Variants in CCDC7 observed in about 807,000 individuals in gnomAD.
CCDC7 encodes coiled-coil domain-containing protein 7.
In CCDC7, 183 loss-of-function variants were observed where a neutral mutation model predicts 196.9. The ratio of observed to expected loss-of-function variants is 0.93; its 90% confidence interval spans 0.82 to 1.05. The LOEUF (loss-of-function observed/expected upper bound fraction) is 1.05. Ranked by LOEUF, CCDC7 falls within the 50% of genes least tolerant of loss-of-function variation. The pLI, the probability that CCDC7 is intolerant of heterozygous loss-of-function variation, is 0.00. For missense variants in CCDC7, 1,540 were observed against 1,482.2 expected (o/e 1.04, Z -0.64); for synonymous variants, 525 against 484.6 (o/e 1.08, Z -1.10).
chr10:32,467,107 T>C (rs576728780), intron 5 of CCDC7, among the ~76,000 whole-genome samples: 36 of 106,300 alleles, frequency 3.4e-4, no homozygotes, highest in African/African-American at 9.3e-4. Flanking sequence ...CTTTGTCCAC[T>C]TTTTTTTTTT....
At chr10:32,602,261 C>T (rs1312179390) in intron 18 of CCDC7, among the ~76,000 whole-genome samples, 2 of 151,938 alleles carry the variant, frequency 1.3e-5, no homozygotes, top group East Asian at 3.9e-4. Flanking sequence ...AGACCACGAA[C>T]CCACCAGAAA....
intron 31 of CCDC7, among the ~76,000 whole-genome samples, chr10:32,817,234 T>A (rs2088895208): frequency 6.6e-6 from 1 of 152,048 alleles, no homozygotes; most frequent in Non-Finnish European, 1.5e-5. Flanking sequence ...AGAGGGGGTA[T>A]CAGTGATGGA....
At chr10:32,606,208 G>T (rs1239161237) in intron 18 of CCDC7, among the ~76,000 whole-genome samples, 1 of 152,222 alleles carries the variant, frequency 6.6e-6, no homozygotes, top group Non-Finnish European at 1.5e-5. Context: ...GCCTGTAGCT[G>T]AAAAAAGTAC....
intron 3 of CCDC7, among the ~76,000 whole-genome samples, chr10:32,462,384 C>T (rs1020832507): frequency 1.4e-4 from 22 of 152,058 alleles, no homozygotes; most frequent in Non-Finnish European, 1.6e-4. Context: ...ATGAGTGCAC[C>T]GCTGCACTCA....
intron 41 of CCDC7, among the ~76,000 whole-genome samples, chr10:32,855,154 A>C (rs1353165926): frequency 1.3e-5 from 2 of 151,780 alleles, no homozygotes; most frequent in Non-Finnish European, 2.9e-5. Flanking sequence ...CTAAGGATTC[A>C]GTGCAATCTC....
intron 9 of CCDC7, among the ~76,000 whole-genome samples, chr10:32,506,004 A>C (rs1379194408): frequency 2.1e-5 from 3 of 146,290 alleles, no homozygotes; most frequent in African/African-American, 7.7e-5. Flanking sequence ...GTGGCCAGGC[A>C]GAGGCGCTCC....
intron 11 of CCDC7, among the ~76,000 whole-genome samples, chr10:32,531,716 C>T (rs928956605): frequency 6.6e-6 from 1 of 152,132 alleles, no homozygotes; most frequent in Admixed American, 6.6e-5. Context: ...TCTATTACAC[C>T]TTGATCTTGT....
At chr10:32,592,724 A>AGT (rs1311496380) in intron 18 of CCDC7, among the ~76,000 whole-genome samples, 17 of 151,994 alleles carry the variant, frequency 1.1e-4, no homozygotes, top group African/African-American at 4.1e-4. Flanking sequence ...GACAAGCCCC[A>AGT]GTGTGTGATG....
chr10:32,725,762 T>C (rs2083029490), intron 25 of CCDC7, among the ~76,000 whole-genome samples: 1 of 152,002 alleles, frequency 6.6e-6, no homozygotes, highest in Admixed American at 6.6e-5. Flanking sequence ...AACAACCAGA[T>C]TTTATGTGAA....
intron 13 of CCDC7, among the ~76,000 whole-genome samples, chr10:32,549,464 G>T (rs1728089790): frequency 6.6e-6 from 1 of 152,104 alleles, no homozygotes; most frequent in Admixed American, 6.5e-5. Context: ...TTGCTTTTGG[G>T]TTCCTGGTCA....
intron 18 of CCDC7, among the ~76,000 whole-genome samples, chr10:32,633,696 A>ATATATATATGTGTGTGTG (rs779341941): frequency 1.2e-4 from 16 of 135,150 alleles, no homozygotes; most frequent in Non-Finnish European, 7.7e-5. Flanking sequence ...ATATATATAT[A>ATATATATATGTGTGTGTG]TGTGTGTGTG....
At chr10:32,708,127 T>G (rs914210435) in intron 24 of CCDC7, among the ~76,000 whole-genome samples, 39 of 152,158 alleles carry the variant, frequency 2.6e-4, no homozygotes, top group Admixed American at 4.6e-4. Context: ...AACAGAGATA[T>G]AGACCAATGG....
At chr10:32,845,790 CACACAT>C (rs767031115) in intron 35 of CCDC7, 80 bp from the exon 37 acceptor site, 25 of 1,063,354 alleles carry the variant, frequency 2.4e-5, no homozygotes, top group East Asian at 1.5e-4. Context: ...CACACACACA[CACACAT>C]ACACACACAC....
At chr10:32,452,036 AT>A in intron 1 of CCDC7, 115 bp downstream of exon 2, 1 of 1,368,742 alleles carries the variant, frequency 7.3e-7, no homozygotes. Flanking sequence ...GCTAAGATTT[AT>A]TACAGTAGGC....
chr10:32,858,847 C>G (rs2093862129), intron 41 of CCDC7, among the ~76,000 whole-genome samples: 1 of 152,020 alleles, frequency 6.6e-6, no homozygotes, highest in Non-Finnish European at 1.5e-5. Context: ...GTAAAAGGAT[C>G]AAAGCAACAA....
chr10:32,796,180 T>G (rs1021396017), intron 29 of CCDC7, among the ~76,000 whole-genome samples: 15 of 152,138 alleles, frequency 9.9e-5, no homozygotes, highest in African/African-American at 3.6e-4. Context: ...GTTGCTTCTC[T>G]GTGGTCCTAA....
intron 29 of CCDC7, among the ~76,000 whole-genome samples, chr10:32,796,852 A>T (rs1392710606): frequency 6.6e-6 from 1 of 152,196 alleles, no homozygotes; most frequent in East Asian, 1.9e-4. Context: ...TCCCAGGACA[A>T]ATTGGGAATT....
intron 31 of CCDC7, among the ~76,000 whole-genome samples, chr10:32,822,281 G>A (rs1352342785): frequency 6.6e-6 from 1 of 152,010 alleles, no homozygotes; most frequent in Non-Finnish European, 1.5e-5. Context: ...AAAGACAACT[G>A]TATAAAAAAT....
At chr10:32,518,068 A>G (rs2135520927) in intron 10 of CCDC7, 93 bp downstream of exon 11, 6 of 1,394,978 alleles carry the variant, frequency 4.3e-6, no homozygotes, top group African/African-American at 1.5e-5. Context: ...CTATATAAAG[A>G]TCCAATCCTT....
Sources: allele counts gnomAD v4.1 joint callset (sites outside exome capture counted in the v4.1 genomes callset), GRCh38; gene constraint gnomAD v4.1.1; transcripts MANE v1.5; gene names NCBI Gene and HGNC (gene_info 2026-07-23, HGNC 2026-07-21).